The following SLC5A4 variants were observed in gnomAD, a reference collection of about 807,000 sequenced individuals.
The protein encoded by SLC5A4 is probable glucose sensor protein SLC5A4.
SLC5A4 carries 55 observed loss-of-function variants against 70.3 expected under a neutral mutation model. The observed-to-expected ratio is 0.78, with a 90% CI of 0.63 to 0.98. The LOEUF is 0.98. Ranked by LOEUF, SLC5A4 falls within the 50% of genes least tolerant of loss-of-function variation. SLC5A4 has a pLI of 0.00. For missense variants in SLC5A4, 735 were observed against 839.2 expected (o/e 0.88, Z 1.53); for synonymous variants, 268 against 305.7 (o/e 0.88, Z 1.29).
At chr22:32,347,508 T>C in the SLC5A4 span, among the ~76,000 whole-genome samples, 1 of 152,014 alleles carries the variant, frequency 6.6e-6, no homozygotes, top group East Asian at 1.9e-4. Flanking sequence ...ATATACACCA[T>C]GGAATACTAT....
At chr22:32,300,392 G>A in the SLC5A4 span, among the ~76,000 whole-genome samples, 3 of 152,256 alleles carry the variant, frequency 2.0e-5, no homozygotes, top group African/African-American at 7.2e-5. Context: ...TCGGAAAAGC[G>A]CAGTATTCGG....
the SLC5A4 span, among the ~76,000 whole-genome samples, chr22:32,309,702 CACTTCTCACCCCTCGGCT>C: frequency 1.3e-5 from 2 of 152,118 alleles, no homozygotes; most frequent in Non-Finnish European, 2.9e-5. Flanking sequence ...CCCAAGTGCA[CACTTCTCACCCCTCGGCT>C]CCTCCATGAG....
At chr22:32,310,245 G>A in the SLC5A4 span, among the ~76,000 whole-genome samples, 10 of 152,118 alleles carry the variant, frequency 6.6e-5, no homozygotes, top group African/African-American at 2.2e-4. Flanking sequence ...CACCTATAGA[G>A]CATCATCCAG....
intron 5 of SLC5A4, among the ~76,000 whole-genome samples, chr22:32,239,570 T>TTATA (rs1315288432): frequency 1.2e-3 from 13 of 10,410 alleles, no homozygotes; most frequent in East Asian, 5.4e-3. Context: ...ATATATATAT[T>TTATA]TATATATATA....
the SLC5A4 span, among the ~76,000 whole-genome samples, chr22:32,283,174 G>C: frequency 0.016 from 2,386 of 152,236 alleles, 57 homozygotes; most frequent in African/African-American, 0.054. Context: ...CCTGTTCACT[G>C]GGCTCTCAGC....
the SLC5A4 span, among the ~76,000 whole-genome samples, chr22:32,306,720 A>C: frequency 6.6e-6 from 1 of 152,190 alleles, no homozygotes; most frequent in South Asian, 2.1e-4. Context: ...CTTTTGTGGG[A>C]GGTCTCCTGC....
the SLC5A4 span, chr22:32,343,246 C>G: frequency 2.6e-5 from 4 of 152,204 alleles, no homozygotes; most frequent in African/African-American, 9.7e-5. Flanking sequence ...ATGTGTGCCA[C>G]GGTGTGTTCT....
At chr22:32,238,962 A>G in intron 6 of SLC5A4, 23 bp downstream of exon 6, 4 of 1,560,850 alleles carry the variant, frequency 2.6e-6, no homozygotes, top group Non-Finnish European at 2.7e-6. Flanking sequence ...AGCCTGAGTG[A>G]GCAAAATATG....
chr22:32,306,674 C>T, the SLC5A4 span, among the ~76,000 whole-genome samples: 9 of 152,122 alleles, frequency 5.9e-5, no homozygotes, highest in Admixed American at 5.9e-4. Context: ...CCGCTGTATG[C>T]CCTTGTCTGG....
At chr22:32,294,110 G>A in the SLC5A4 span, among the ~76,000 whole-genome samples, 1 of 151,828 alleles carries the variant, frequency 6.6e-6, no homozygotes, top group East Asian at 1.9e-4. Flanking sequence ...TCTTTCAGTA[G>A]TTGCAGAAAA....
At chr22:32,227,828 G>A (rs929937757) in intron 11 of SLC5A4, among the ~76,000 whole-genome samples, 9 of 151,388 alleles carry the variant, frequency 5.9e-5, no homozygotes, top group Non-Finnish European at 1.3e-4. Flanking sequence ...CCAGCTACTC[G>A]GGAGGCTGAG....
the SLC5A4 span, among the ~76,000 whole-genome samples, chr22:32,319,815 T>G: frequency 6.6e-6 from 1 of 152,184 alleles, no homozygotes; most frequent in Non-Finnish European, 1.5e-5. Flanking sequence ...ATAAACATTT[T>G]AAAAACTGTC....
At chr22:32,353,997 G>A in the SLC5A4 span, among the ~76,000 whole-genome samples, 1 of 150,854 alleles carries the variant, frequency 6.6e-6, no homozygotes, top group South Asian at 2.1e-4. Flanking sequence ...CACAGATAGC[G>A]CACCCAACCC....
intron 3 of SLC5A4, among the ~76,000 whole-genome samples, chr22:32,249,135 A>G (rs1927000042): frequency 1.3e-5 from 2 of 152,218 alleles, no homozygotes; most frequent in Admixed American, 1.3e-4. Flanking sequence ...CAAAGCAATG[A>G]GAAAGGAACC....
the SLC5A4 span, among the ~76,000 whole-genome samples, chr22:32,310,041 G>A: frequency 6.7e-6 from 1 of 149,704 alleles, no homozygotes; most frequent in African/African-American, 2.5e-5. Flanking sequence ...AAGACCTCTG[G>A]GTGGCAGCGG....
chr22:32,269,913 C>T, the SLC5A4 span: 3 of 546,320 alleles, frequency 5.5e-6, no homozygotes, highest in South Asian at 1.5e-5. This position sits in a 1 kb window ranked among gnomAD's most constrained non-coding sequence, Gnocchi z 4.1. Context: ...CGGCCACCAG[C>T]GTCCTCACCA....
chr22:32,318,883 G>C, the SLC5A4 span, among the ~76,000 whole-genome samples: 22 of 152,088 alleles, frequency 1.4e-4, no homozygotes, highest in Non-Finnish European at 3.1e-4. Context: ...GGTTTGTTTA[G>C]TGTCAATTTG....
In SLC5A4 at chr22:32,237,104, A is replaced by C. The variant is rs1926105075; in HGVS notation, c.664+140T>G. On this transcript the variant is annotated intron_variant, in intron 7 of 14. Transcript: ENST00000266086. ...AAGAAAGAAGTCAGGCAGATATTTC[A>C]GTGATGGGGATTATGTAAATGACTG... 4.5e-6 allele frequency: 3 copies of C among 666,104 alleles called. No homozygotes were observed. In the Admixed American group the frequency reaches 7.4e-5, roughly 16 times the overall value. 41.3% of individuals were successfully genotyped at this position (666,104 alleles called of 1,614,324 possible). A position where few individuals can be genotyped will look rare whatever the true frequency, so the allele number is the denominator to read the frequency against.
At chr22:32,289,125 T>C in the SLC5A4 span, among the ~76,000 whole-genome samples, 1 of 152,192 alleles carries the variant, frequency 6.6e-6, no homozygotes, top group Non-Finnish European at 1.5e-5. Flanking sequence ...TAGTGTCTCT[T>C]AAAAGAAAGT....
Sources: gnomAD v4.1 joint callset for allele counts (sites outside exome capture counted in the v4.1 genomes callset) on GRCh38, gnomAD v4.1.1 for gene constraint, Gnocchi (gnomAD v3.1) non-coding constraint, MANE v1.5 for transcripts, NCBI Gene and HGNC (gene_info 2026-07-23, HGNC 2026-07-21) for gene names.